ANO1: variants seen among roughly 807,000 people sequenced by gnomAD.
ANO1 encodes the protein anoctamin-1.
ANO1 carries 59 observed loss-of-function variants against 124.0 expected under a neutral mutation model. That is an observed-to-expected ratio of 0.48 (90% CI 0.39 to 0.59). The LOEUF (loss-of-function observed/expected upper bound fraction) is 0.59. Among genes scored for constraint, ANO1 ranks in the 20% least tolerant of loss-of-function variants. The pLI is 0.00. For missense variants in ANO1, 1,059 were observed against 1,328.0 expected (o/e 0.80, Z 3.15); for synonymous variants, 529 against 532.0 (o/e 0.99, Z 0.08).
chr11:70,030,207 C>T (rs144886943), intron 1 of ANO1, among the ~76,000 whole-genome samples: 1,626 of 152,330 alleles, frequency 0.011, 12 homozygotes, highest in Non-Finnish European at 0.014. Flanking sequence ...GGGGCTGCAG[C>T]CCAGGCTTAT....
At chr11:69,993,913 C>T (rs562165370) in intron 1 of ANO1, among the ~76,000 whole-genome samples, 10 of 152,338 alleles carry the variant, frequency 6.6e-5, no homozygotes, top group South Asian at 4.1e-4. Context: ...TATAGCCCCT[C>T]GGCCTGTAGC....
Position 70,101,824 on chromosome 11 carries a change from G to A in ANO1, c.442-1242G>A, listed in dbSNP as rs369662594. Among the ~76,000 whole-genome samples the A allele has an allele frequency of 4.7e-4, 71 of 152,236 alleles. No homozygotes were observed. In the South Asian group the frequency reaches 0.015, roughly 32 times the overall value. On this transcript the variant is annotated intron_variant, in intron 2 of 25. Coordinates refer to ENST00000355303, the MANE Select transcript of ANO1 (RefSeq NM_018043.7). Reference sequence around the variant, plus strand: ...CAAGACTTCCCATCCCTTCCTTTAAGGCTCAGAATTGTGGAAAGGAGACGT... The same window carrying A: ...CAAGACTTCCCATCCCTTCCTTTAAAGCTCAGAATTGTGGAAAGGAGACGT...
intron 1 of ANO1, among the ~76,000 whole-genome samples, chr11:70,013,412 A>T (rs1856636507): frequency 1.3e-5 from 2 of 152,142 alleles, no homozygotes; most frequent in South Asian, 4.1e-4. Flanking sequence ...GTTTTGATTG[A>T]ATCTATCATA....
chr11:70,042,075 G>A (rs567031208), intron 1 of ANO1, among the ~76,000 whole-genome samples: 2 of 150,408 alleles, frequency 1.3e-5, no homozygotes, highest in South Asian at 4.3e-4. Flanking sequence ...GAGAAAGCAG[G>A]GGTGAGCTCG....
chr11:70,091,176 A>C (rs1382814211), intron 2 of ANO1, among the ~76,000 whole-genome samples: 1 of 152,236 alleles, frequency 6.6e-6, no homozygotes, highest in Admixed American at 6.5e-5. Flanking sequence ...AGGGGGAAGA[A>C]GCACTCTTGG....
chr11:70,135,704 G>A (rs1225550320), intron 11 of ANO1, among the ~76,000 whole-genome samples: 45 of 152,228 alleles, frequency 3.0e-4, no homozygotes, highest in Non-Finnish European at 2.9e-5. Context: ...CCAATTACAG[G>A]CATGCCCAGT....
At chr11:69,969,097 T>A in the ANO1 span, among the ~76,000 whole-genome samples, 25 of 152,292 alleles carry the variant, frequency 1.6e-4, no homozygotes, top group Middle Eastern at 3.4e-3. Flanking sequence ...GGCTGCTGCC[T>A]GAATGGAAGT....
chr11:70,147,133 G>C (rs150582380), intron 11 of ANO1, among the ~76,000 whole-genome samples: 3 of 152,242 alleles, frequency 2.0e-5, no homozygotes, highest in Non-Finnish European at 2.9e-5. Flanking sequence ...GGCAGTGCTC[G>C]GCCCCAGAAA....
chr11:70,142,376 G>A (rs2047186862), intron 11 of ANO1, among the ~76,000 whole-genome samples: 1 of 152,156 alleles, frequency 6.6e-6, no homozygotes, highest in Non-Finnish European at 1.5e-5. Flanking sequence ...GGGGACGAAG[G>A]GGATGCACTG....
At chr11:70,119,556 G>T (rs1169201054) in intron 8 of ANO1, among the ~76,000 whole-genome samples, 2 of 151,540 alleles carry the variant, frequency 1.3e-5, no homozygotes, top group African/African-American at 4.9e-5. Context: ...GGGTGCTGGA[G>T]GAATGAATGA....
intron 2 of ANO1, among the ~76,000 whole-genome samples, chr11:70,098,209 T>C (rs547535767): frequency 2.0e-5 from 3 of 152,100 alleles, no homozygotes; most frequent in Non-Finnish European, 4.4e-5. Flanking sequence ...CAGGGCTGGG[T>C]GTTCTCCTCC....
At chr11:69,984,534 G>A (rs1167997048), upstream of ANO1, among the ~76,000 whole-genome samples, 1 of 152,126 alleles carries the variant, frequency 6.6e-6, no homozygotes, top group Non-Finnish European at 1.5e-5. Flanking sequence ...AAGGAGACCC[G>A]GCAGGAAACA....
intron 1 of ANO1, among the ~76,000 whole-genome samples, chr11:70,054,299 C>T (rs1219269526): frequency 2.6e-5 from 4 of 152,218 alleles, no homozygotes; most frequent in African/African-American, 9.6e-5. Context: ...GTCATCCCCA[C>T]TGGGTTTGTC....
chr11:69,989,988 T>G (rs1319837462), intron 1 of ANO1, among the ~76,000 whole-genome samples: 1 of 152,182 alleles, frequency 6.6e-6, no homozygotes, highest in Non-Finnish European at 1.5e-5. Context: ...GTGTTAGATA[T>G]TATATATACC....
At chr11:70,093,260 TTCTC>T (rs1297128741) in intron 2 of ANO1, among the ~76,000 whole-genome samples, 1 of 137,398 alleles carries the variant, frequency 7.3e-6, no homozygotes, top group Non-Finnish European at 1.6e-5. Flanking sequence ...CCCTCTCACT[TTCTC>T]TCTCTCCCCC....
intron 16 of ANO1, among the ~76,000 whole-genome samples, chr11:70,157,997 A>T (rs906695732): frequency 6.6e-6 from 1 of 151,986 alleles, no homozygotes; most frequent in Non-Finnish European, 1.5e-5. Context: ...AAAAAAAAAA[A>T]AAAAACCTGT....
chr11:70,090,770 A>G (rs1348031650), intron 2 of ANO1, among the ~76,000 whole-genome samples: 1 of 152,246 alleles, frequency 6.6e-6, no homozygotes, highest in Non-Finnish European at 1.5e-5. Context: ...TAACCAGTGA[A>G]ATGACCCCAA....
intron 1 of ANO1, among the ~76,000 whole-genome samples, chr11:70,041,674 C>T (rs960812287): frequency 2.6e-5 from 4 of 151,416 alleles, no homozygotes; most frequent in Non-Finnish European, 5.9e-5. Flanking sequence ...TGCTGTAATC[C>T]CCAGCATCTA....
At chr11:70,149,972 G>A (rs1479417793) in intron 12 of ANO1, 180 bp downstream of exon 12, 11 of 707,264 alleles carry the variant, frequency 1.6e-5, no homozygotes, top group East Asian at 5.5e-5. Flanking sequence ...CTGGCGTTCC[G>A]AACACCCTCC....
Sources: allele counts gnomAD v4.1 joint callset (sites outside exome capture counted in the v4.1 genomes callset), GRCh38; gene constraint gnomAD v4.1.1; transcripts MANE v1.5; gene names NCBI Gene and HGNC (gene_info 2026-07-23, HGNC 2026-07-21).